The following TUSC3 variants were observed in gnomAD, a reference collection of about 807,000 sequenced individuals.
TUSC3 encodes dolichyl-diphosphooligosaccharide--protein glycosyltransferase subunit TUSC3.
A neutral mutation model predicts 44.8 loss-of-function variants in TUSC3; 45 were observed. That is an observed-to-expected ratio of 1.00 (90% CI 0.79 to 1.29). TUSC3 has a LOEUF of 1.29. Among genes scored for constraint, TUSC3 ranks in the 50% most tolerant of loss-of-function variants. The probability of loss-of-function intolerance (pLI) is 0.00; values close to 1 mark genes in which losing one functional copy is unlikely to be tolerated. For synonymous variants in TUSC3, 212 were observed against 152.9 expected (o/e 1.39, Z -2.85); for missense variants, 519 against 437.9 (o/e 1.19, Z -1.65).
At chr8:15,696,499 G>T (rs899589059) in intron 6 of TUSC3, among the ~76,000 whole-genome samples, 1 of 152,134 alleles carries the variant, frequency 6.6e-6, no homozygotes, top group Non-Finnish European at 1.5e-5. Flanking sequence ...GGGTCAAAGC[G>T]CTCACACAGA....
chr8:15,847,797 C>T, the TUSC3 span, among the ~76,000 whole-genome samples: 1 of 152,204 alleles, frequency 6.6e-6, no homozygotes, highest in Non-Finnish European at 1.5e-5. Flanking sequence ...CATCTTTGTA[C>T]CCCTGTATCT....
chr8:15,447,536 T>C (rs1049452427), intron 1 of TUSC3, among the ~76,000 whole-genome samples: 7 of 152,140 alleles, frequency 4.6e-5, no homozygotes, highest in Non-Finnish European at 1.0e-4. Context: ...CCGAAAACGT[T>C]GGCTATGAAG....
At chr8:15,661,282 A>G (rs1441198589) in intron 4 of TUSC3, among the ~76,000 whole-genome samples, 3 of 152,072 alleles carry the variant, frequency 2.0e-5, no homozygotes, top group East Asian at 1.9e-4. Context: ...GTCCACCTTC[A>G]GTACAAGATT....
At chr8:15,537,347 G>A (rs11776434), upstream of TUSC3, among the ~76,000 whole-genome samples, 30,492 of 152,070 alleles carry the variant, frequency 0.2, 3,049 homozygotes, top group Middle Eastern at 0.26. Context: ...CTTTCTGAAC[G>A]AAACCAATGC....
rs1234750447 is a variant in TUSC3 at position 15,600,140 on chromosome 8, A to C, written c.139-22940A>C. 2.6e-5 allele frequency among the ~76,000 whole-genome samples: 4 copies of C among 151,822 alleles called. No homozygotes were observed. The East Asian group carries it at 7.7e-4, about 29-fold the overall frequency. ...GGACATGGACAATGCTTTTTAAAAC[A>C]AAACAATTATTTTATAAGCATTTGT... On this transcript the variant is annotated intron_variant, in intron 1 of 10. Coordinates refer to ENST00000503731, the MANE Select transcript of TUSC3 (RefSeq NM_006765.4).
At chr8:15,460,789 G>A (rs565062071) in intron 1 of TUSC3, among the ~76,000 whole-genome samples, 12 of 152,136 alleles carry the variant, frequency 7.9e-5, no homozygotes, top group South Asian at 2.1e-4. Context: ...AAAGGGTGTC[G>A]TTTCCCCCAC....
chr8:15,569,673 C>A (rs903792593), intron 1 of TUSC3, among the ~76,000 whole-genome samples: 7 of 152,124 alleles, frequency 4.6e-5, no homozygotes, highest in Non-Finnish European at 1.0e-4. Context: ...ACGGGGACAT[C>A]TCGTTACGTG....
chr8:15,662,282 GC>G lies in TUSC3; in HGVS notation c.696del (p.Met233TrpfsTer6). On this transcript the variant is annotated frameshift_variant, in exon 5 of 11. Coordinates refer to ENST00000503731, the MANE Select transcript of TUSC3 (RefSeq NM_006765.4). LOFTEE classifies it high-confidence loss of function. ...LEFIYNKTGW[A>X]MVSLCIVFAM... ...GTTCATCTATAACAAGACTGGTTGG[GC>G]CATGGTGTCTCTGGTATGTTAATAC... The G allele has an allele frequency of 6.2e-7, 1 of 1,612,788 alleles. No individual in the cohort carries two copies. The highest frequency in any genetic ancestry group is 8.5e-7 in the Non-Finnish European group (1 of 1,179,078).
At chr8:15,837,201 T>C in the TUSC3 span, among the ~76,000 whole-genome samples, 2 of 136,358 alleles carry the variant, frequency 1.5e-5, no homozygotes, top group Non-Finnish European at 3.3e-5. Context: ...TTTCTCACAT[T>C]TGAAAAGGGA....
intron 6 of TUSC3, among the ~76,000 whole-genome samples, chr8:15,689,860 GTGTA>G (rs1563174266): frequency 1.5e-4 from 6 of 41,058 alleles, no homozygotes; most frequent in African/African-American, 4.5e-4. Flanking sequence ...GTGTGTGTGT[GTGTA>G]TAAATATATA....
intron 2 of TUSC3, among the ~76,000 whole-genome samples, chr8:15,505,393 T>C (rs532939856): frequency 1.8e-4 from 28 of 152,400 alleles, no homozygotes; most frequent in Middle Eastern, 3.4e-3. Flanking sequence ...TTGTACTTAA[T>C]GTACTATGTC....
intron 1 of TUSC3, among the ~76,000 whole-genome samples, chr8:15,615,303 C>G (rs528334385): frequency 1.6e-4 from 25 of 152,276 alleles, no homozygotes; most frequent in African/African-American, 6.0e-4. Flanking sequence ...TCTTGCCATT[C>G]ACAGCAACAT....
chr8:15,605,966 C>T (rs770220417), intron 1 of TUSC3, among the ~76,000 whole-genome samples: 2 of 152,014 alleles, frequency 1.3e-5, no homozygotes, highest in Non-Finnish European at 2.9e-5. Flanking sequence ...AGCCCTTCAT[C>T]TCTCCAGTGA....
intron 6 of TUSC3, among the ~76,000 whole-genome samples, chr8:15,686,221 A>G (rs1351452309): frequency 6.6e-6 from 1 of 152,206 alleles, no homozygotes; most frequent in South Asian, 2.1e-4. Flanking sequence ...TTTGTTGTTA[A>G]AAAAGCAATA....
At chr8:15,781,160 G>A in the TUSC3 span, among the ~76,000 whole-genome samples, 1 of 152,186 alleles carries the variant, frequency 6.6e-6, no homozygotes, top group Non-Finnish European at 1.5e-5. Context: ...CTGGAAGGAA[G>A]GGTGCTGTCT....
intron 1 of TUSC3, among the ~76,000 whole-genome samples, chr8:15,430,830 C>A (rs1388651443): frequency 6.6e-6 from 1 of 151,702 alleles, no homozygotes; most frequent in East Asian, 1.9e-4. Flanking sequence ...TCTTATACAC[C>A]AATAACAGAC....
chr8:15,757,465 TAAC>T (rs1386979455), intron 9 of TUSC3, among the ~76,000 whole-genome samples: 6 of 152,162 alleles, frequency 3.9e-5, no homozygotes, highest in Admixed American at 1.3e-4. Flanking sequence ...TTGTACATCT[TAAC>T]AACCTTAAGC....
chr8:15,584,418 A>T (rs1472577699), intron 1 of TUSC3, among the ~76,000 whole-genome samples: 1 of 152,192 alleles, frequency 6.6e-6, no homozygotes, highest in East Asian at 1.9e-4. Flanking sequence ...GTCATTGATC[A>T]TGCATTAAAT....
chr8:15,621,536 A>C (rs1375528271), intron 1 of TUSC3, among the ~76,000 whole-genome samples: 1 of 147,812 alleles, frequency 6.8e-6, no homozygotes, highest in Admixed American at 6.8e-5. Flanking sequence ...ATATATATAT[A>C]AAGTATATTT....
Sources: gnomAD v4.1 joint callset for allele counts (sites outside exome capture counted in the v4.1 genomes callset) on GRCh38, gnomAD v4.1.1 for gene constraint, MANE v1.5 for transcripts, NCBI Gene and HGNC (gene_info 2026-07-23, HGNC 2026-07-21) for gene names.